The following CNTN3 variants were observed in gnomAD, a reference collection of about 807,000 sequenced individuals.
CNTN3 encodes contactin-3.
CNTN3 carries 60 observed loss-of-function variants against 119.1 expected under a neutral mutation model. The ratio of observed to expected loss-of-function variants is 0.50; its 90% confidence interval spans 0.41 to 0.62. The LOEUF (loss-of-function observed/expected upper bound fraction) is 0.62. Among genes scored for constraint, CNTN3 ranks in the 20% least tolerant of loss-of-function variants. The probability of loss-of-function intolerance (pLI) is 0.00; values close to 1 mark genes in which losing one functional copy is unlikely to be tolerated. For synonymous variants in CNTN3, 450 were observed against 438.7 expected (o/e 1.03, Z -0.32); for missense variants, 1,101 against 1,242.4 (o/e 0.89, Z 1.71).
At chr3:74,431,644 T>C (rs1701784897) in intron 4 of CNTN3, among the ~76,000 whole-genome samples, 1 of 152,146 alleles carries the variant, frequency 6.6e-6, no homozygotes, top group Non-Finnish European at 1.5e-5. Flanking sequence ...TGGGAAATGC[T>C]GAAAAGGCCA....
chr3:74,580,057 A>G (rs989035153), intron 1 of CNTN3, among the ~76,000 whole-genome samples: 16 of 152,220 alleles, frequency 1.1e-4, no homozygotes, highest in Admixed American at 3.3e-4. Context: ...AAAGGGCAAC[A>G]TCACAACAGA....
intron 5 of CNTN3, among the ~76,000 whole-genome samples, chr3:74,403,863 C>T (rs1705256702): frequency 6.6e-6 from 1 of 151,350 alleles, no homozygotes; most frequent in Non-Finnish European, 1.5e-5. Context: ...CTGAGACTCC[C>T]TGCTCTGTCT....
chr3:74,285,790 GATATATATATATATATATATATAT>G lies in CNTN3; in HGVS notation c.2518-323_2518-300del, dbSNP rs71129738. Among the ~76,000 whole-genome samples, 113 of 56,540 alleles carry G rather than the reference GATATATATATATATATATATATAT, an allele frequency of 2.0e-3. 3 individuals carry two copies. The South Asian group carries it at 0.026, about 13-fold the overall frequency. 37.1% of individuals were successfully genotyped at this position (56,540 alleles called of 152,430 possible). On this transcript the variant is annotated intron_variant, in intron 19 of 22. Transcript: ENST00000263665. Reference sequence around the variant, plus strand: ...ATTATAAGTGGGAGAATGAAGGGGAGATATATATATATATATATATATATATATATATATATATATATATATATA... The same window carrying G: ...ATTATAAGTGGGAGAATGAAGGGGAGATATATATATATATATATATATATA...
intron 3 of CNTN3, among the ~76,000 whole-genome samples, chr3:74,498,391 G>T (rs1041405098): frequency 9.9e-5 from 15 of 151,786 alleles, no homozygotes; most frequent in African/African-American, 3.1e-4. Context: ...TTTTATAAAT[G>T]ATTTTATTAA....
intron 2 of CNTN3, among the ~76,000 whole-genome samples, chr3:74,519,181 T>A (rs1399923089): frequency 6.7e-6 from 1 of 150,282 alleles, no homozygotes; most frequent in Non-Finnish European, 1.5e-5. Context: ...TACACACACA[T>A]GGAAACATAT....
At chr3:74,420,779 T>C (rs1405522409) in intron 5 of CNTN3, among the ~76,000 whole-genome samples, 1 of 152,142 alleles carries the variant, frequency 6.6e-6, no homozygotes, top group Non-Finnish European at 1.5e-5. Flanking sequence ...AGCATCCAGG[T>C]TCTAGTTTTA....
chr3:74,473,279 T>C (rs560558987), intron 4 of CNTN3, among the ~76,000 whole-genome samples: 1 of 152,188 alleles, frequency 6.6e-6, no homozygotes, highest in African/African-American at 2.4e-5. Context: ...GGTAGACTCC[T>C]TCGTAATCTA....
chr3:74,402,007 G>A (rs1293782600), intron 5 of CNTN3, among the ~76,000 whole-genome samples: 1 of 152,202 alleles, frequency 6.6e-6, no homozygotes, highest in Admixed American at 6.5e-5. Context: ...TTAGATTAGA[G>A]GGGATGCTCC....
At chr3:74,343,686 G>A (rs757002804) in intron 11 of CNTN3, among the ~76,000 whole-genome samples, 7 of 152,184 alleles carry the variant, frequency 4.6e-5, no homozygotes, top group African/African-American at 1.7e-4. Context: ...ACGGTGTCTT[G>A]TCGTATCCTA....
At chr3:74,572,703 T>A (rs1281054753) in intron 1 of CNTN3, among the ~76,000 whole-genome samples, 1 of 152,212 alleles carries the variant, frequency 6.6e-6, no homozygotes. Context: ...ACATATTAAT[T>A]ACTTGCATAA....
intron 4 of CNTN3, among the ~76,000 whole-genome samples, chr3:74,452,250 C>A (rs1262463594): frequency 1.4e-5 from 2 of 140,760 alleles, no homozygotes; most frequent in East Asian, 2.2e-4. Context: ...AAGGTGGATT[C>A]CTAGGTATTT....
intron 1 of CNTN3, among the ~76,000 whole-genome samples, chr3:74,606,465 T>A (rs77798763): frequency 0.015 from 2,286 of 152,028 alleles, 51 homozygotes; most frequent in African/African-American, 0.051. Context: ...TGTGTATACA[T>A]GCACACATGT....
chr3:74,297,110 T>C (rs1240961218), intron 18 of CNTN3, among the ~76,000 whole-genome samples: 2 of 152,136 alleles, frequency 1.3e-5, no homozygotes, highest in African/African-American at 2.4e-5. Context: ...GCACATTGCA[T>C]GTCTGTTGAA....
At chr3:74,339,832 T>C (rs1703487339) in intron 11 of CNTN3, among the ~76,000 whole-genome samples, 1 of 151,916 alleles carries the variant, frequency 6.6e-6, no homozygotes, top group East Asian at 1.9e-4. Flanking sequence ...AGCAAATAGA[T>C]TCAGAAAGTG....
At chr3:74,555,491 C>T (rs770003050) in intron 1 of CNTN3, among the ~76,000 whole-genome samples, 2 of 152,172 alleles carry the variant, frequency 1.3e-5, no homozygotes, top group Admixed American at 6.5e-5. Context: ...AGGAATGGTA[C>T]CAGCTCCTCT....
chr3:74,406,071 C>G (rs914974949), intron 5 of CNTN3, among the ~76,000 whole-genome samples: 1 of 151,816 alleles, frequency 6.6e-6, no homozygotes, highest in Admixed American at 6.6e-5. Context: ...AGTCTTTTGC[C>G]GTTATAATGC....
At chr3:74,293,405 T>A (rs1702274407) in intron 19 of CNTN3, among the ~76,000 whole-genome samples, 1 of 152,188 alleles carries the variant, frequency 6.6e-6, no homozygotes, top group Non-Finnish European at 1.5e-5. Context: ...AGGGCAAGGT[T>A]ACATTATGAA....
chr3:74,497,769 CAT>C (rs1041186861), intron 3 of CNTN3, among the ~76,000 whole-genome samples: 31 of 151,716 alleles, frequency 2.0e-4, no homozygotes, highest in Non-Finnish European at 8.8e-5. Flanking sequence ...AAAATTGCAA[CAT>C]ATAAATGCCA....
chr3:74,364,523 C>T lies in CNTN3; in HGVS notation c.1157G>A (p.Cys386Tyr). The T allele has an allele frequency of 6.2e-7, 1 of 1,612,632 alleles. No individual in the cohort carries two copies. The highest frequency in any genetic ancestry group is 8.5e-7 in the Non-Finnish European group (1 of 1,178,948). ...AAGGCCATGTTTGTTTTCTGCTATGCATTGGAACATGCCAGAATCAGTCAC... is the reference window on the plus strand; with the variant it reads ...AAGGCCATGTTTGTTTTCTGCTATGTATTGGAACATGCCAGAATCAGTCAC... ...LSVTDSGMFQ[C>Y]IAENKHGLVY... The change falls in exon 10 of 23, where the codon TGC becomes TAC. Residue 386 changes from cysteine to tyrosine, a missense_variant. Transcript: ENST00000263665.
Sources: allele counts gnomAD v4.1 joint callset (sites outside exome capture counted in the v4.1 genomes callset), GRCh38; gene constraint gnomAD v4.1.1; transcripts MANE v1.5; gene names NCBI Gene and HGNC (gene_info 2026-07-23, HGNC 2026-07-21).